Variants in MYT1L observed in about 807,000 individuals in gnomAD.
MYT1L encodes myelin transcription factor 1-like protein.
Under a neutral mutation model 126.7 loss-of-function variants are expected in MYT1L, and 12 were observed. The observed-to-expected ratio is 0.09, with a 90% confidence interval of 0.06 to 0.15. MYT1L has a LOEUF of 0.15. MYT1L is among the 10% of genes least tolerant of loss of function. MYT1L has a pLI of 1.00. For missense variants in MYT1L, 979 were observed against 1,585.2 expected (o/e 0.62, Z 6.49); for synonymous variants, 541 against 604.2 (o/e 0.90, Z 1.53).
At chr2:2,177,169 C>G (rs1268435411) in intron 2 of MYT1L, among the ~76,000 whole-genome samples, 3 of 152,182 alleles carry the variant, frequency 2.0e-5, no homozygotes, top group African/African-American at 7.2e-5. Context: ...AATGGAACAA[C>G]CTTGTTGTGT....
chr2:1,942,101 C>T (rs545386915), intron 9 of MYT1L, among the ~76,000 whole-genome samples: 2 of 152,290 alleles, frequency 1.3e-5, no homozygotes, highest in East Asian at 1.9e-4. Flanking sequence ...TCACTTACAA[C>T]ATGTTTGGGC....
At chr2:1,864,240 A>G (rs2045137249) in intron 18 of MYT1L, among the ~76,000 whole-genome samples, 1 of 152,048 alleles carries the variant, frequency 6.6e-6, no homozygotes, top group Non-Finnish European at 1.5e-5. Flanking sequence ...ATGTGGTTTG[A>G]GGTCCTCCCC....
chr2:1,969,009 C>A (rs2059605072), intron 8 of MYT1L, among the ~76,000 whole-genome samples: 1 of 152,256 alleles, frequency 6.6e-6, no homozygotes, highest in African/African-American at 2.4e-5. Flanking sequence ...CCTCACCCCA[C>A]TCCAAAGCGG....
At chr2:1,820,049 G>A (rs971295047) in intron 21 of MYT1L, among the ~76,000 whole-genome samples, 1 of 151,802 alleles carries the variant, frequency 6.6e-6, no homozygotes, top group African/African-American at 2.4e-5. Flanking sequence ...GGCCAGCGAG[G>A]AAGCTGGCAG....
intron 2 of MYT1L, among the ~76,000 whole-genome samples, chr2:2,198,061 C>A (rs1421638832): frequency 2.6e-5 from 4 of 151,622 alleles, no homozygotes; most frequent in Non-Finnish European, 5.9e-5. Flanking sequence ...CACACGTACA[C>A]AATGGAACAC....
chr2:1,846,518 C>T (rs1164991268), intron 19 of MYT1L, among the ~76,000 whole-genome samples: 2 of 152,088 alleles, frequency 1.3e-5, no homozygotes, highest in Non-Finnish European at 2.9e-5. Flanking sequence ...GGGGTGAGCA[C>T]ACGGACAGAG....
Position 1,917,103 on chromosome 2 carries a change from G to T in MYT1L, c.1618+102C>A. ...AGTAGGGGCCTAGTTAAATCAGGTC[G>T]CACCGAGCCGTACAATGGAGATGAT... is the stretch of plus-strand genomic sequence containing the variant. On this transcript the variant is annotated intron_variant, in intron 11 of 24. Coordinates refer to ENST00000647738, the MANE Select transcript of MYT1L (RefSeq NM_001303052.2). The surrounding 1 kb of genome is among the most constrained non-coding windows in gnomAD (Gnocchi z 5.9). 1 of 1,390,082 alleles carries T rather than the reference G, an allele frequency of 7.2e-7. No homozygotes were observed. Among genetic ancestry groups the T allele is most frequent in the South Asian group, 1.6e-5 (1 of 64,306 alleles). The allele number at this position is 1,390,082 out of a possible 1,614,324, so 86.1% of individuals were successfully genotyped here.
intron 3 of MYT1L, among the ~76,000 whole-genome samples, chr2:2,136,080 T>C (rs1417944839): frequency 1.3e-5 from 2 of 152,158 alleles, no homozygotes; most frequent in Non-Finnish European, 2.9e-5. Flanking sequence ...TGCAAGGACA[T>C]GGATGAAGCT....
intron 2 of MYT1L, among the ~76,000 whole-genome samples, chr2:2,270,333 A>G (rs1409195531): frequency 1.3e-5 from 2 of 152,212 alleles, no homozygotes; most frequent in African/African-American, 4.8e-5. Context: ...GTAGACAGCA[A>G]TGGACTGAGA....
At chr2:2,184,298 G>A (rs537555842) in intron 2 of MYT1L, among the ~76,000 whole-genome samples, 1 of 152,282 alleles carries the variant, frequency 6.6e-6, no homozygotes, top group African/African-American at 2.4e-5. Context: ...ATGCATGTGT[G>A]TGTTCAAGAG....
intron 4 of MYT1L, among the ~76,000 whole-genome samples, chr2:2,020,298 T>C (rs1230615972): frequency 2.0e-5 from 3 of 152,246 alleles, no homozygotes; most frequent in Non-Finnish European, 4.4e-5. Context: ...TGTAATAAAA[T>C]GTTTGTATGT....
chr2:2,162,000 C>T (rs778125893), intron 3 of MYT1L, among the ~76,000 whole-genome samples: 2 of 152,096 alleles, frequency 1.3e-5, no homozygotes, highest in African/African-American at 2.4e-5. Context: ...CACTTGGTGG[C>T]GTTTACGTTC....
chr2:2,119,106 C>T (rs934651468), intron 3 of MYT1L, among the ~76,000 whole-genome samples: 5 of 152,246 alleles, frequency 3.3e-5, no homozygotes, highest in African/African-American at 4.8e-5. Context: ...AAACCTTACG[C>T]TACCTCTGAA....
At chr2:1,956,507 TTCTATCTATCTATCTA>T (rs201077164) in intron 8 of MYT1L, among the ~76,000 whole-genome samples, 113 of 111,834 alleles carry the variant, frequency 1.0e-3, no homozygotes, top group South Asian at 8.7e-3. Context: ...ATATTTCCTA[TTCTATCTATCTATCTA>T]TCTATCTATC....
chr2:2,121,794 G>A (rs1273762224), intron 3 of MYT1L, among the ~76,000 whole-genome samples: 1 of 152,136 alleles, frequency 6.6e-6, no homozygotes, highest in African/African-American at 2.4e-5. Context: ...CAAGCTTTCA[G>A]GAATTCTCTA....
chr2:1,950,559 C>G (rs763978494), intron 8 of MYT1L, among the ~76,000 whole-genome samples: 1 of 151,780 alleles, frequency 6.6e-6, no homozygotes. Context: ...AGACAGTTAC[C>G]CTGCCAGAGA....
At chr2:2,096,376 G>C (rs2077470063) in intron 3 of MYT1L, among the ~76,000 whole-genome samples, 1 of 152,218 alleles carries the variant, frequency 6.6e-6, no homozygotes, top group African/African-American at 2.4e-5. Flanking sequence ...AGAGGCAGCA[G>C]TCTGGCCTTG....
At chr2:2,264,459 C>T (rs183386001) in intron 2 of MYT1L, among the ~76,000 whole-genome samples, 4 of 151,852 alleles carry the variant, frequency 2.6e-5, no homozygotes, top group African/African-American at 9.7e-5. Flanking sequence ...TCCTAAGTTA[C>T]TTTATATAGG....
chr2:2,185,127 A>G (rs576872396), intron 2 of MYT1L, among the ~76,000 whole-genome samples: 26 of 152,122 alleles, frequency 1.7e-4, no homozygotes, highest in Non-Finnish European at 3.7e-4. Flanking sequence ...TATCCATCCA[A>G]TAACTCTCTG....
Sources: gnomAD v4.1 joint callset for allele counts (sites outside exome capture counted in the v4.1 genomes callset) on GRCh38, gnomAD v4.1.1 for gene constraint, Gnocchi (gnomAD v3.1) non-coding constraint, MANE v1.5 for transcripts, NCBI Gene and HGNC (gene_info 2026-07-23, HGNC 2026-07-21) for gene names.